ASIP: variants seen among roughly 807,000 people sequenced by gnomAD.
ASIP encodes the protein agouti-signaling protein.
Under a neutral mutation model 10.3 loss-of-function variants are expected in ASIP, and 11 were observed. The ratio of observed to expected loss-of-function variants is 1.07; its 90% CI spans 0.68 to 1.78. ASIP has a LOEUF of 1.78. Ranked by LOEUF, ASIP falls within the 40% of genes most tolerant of loss-of-function variation. ASIP has a pLI of 0.00. For missense variants in ASIP, 180 were observed against 169.2 expected (o/e 1.06, Z -0.35); for synonymous variants, 70 against 70.8 (o/e 0.99, Z 0.06).
upstream of ASIP, among the ~76,000 whole-genome samples, chr20:34,194,375 CTAGAT>C (rs963589410): frequency 2.0e-5 from 3 of 152,046 alleles, no homozygotes; most frequent in African/African-American, 7.2e-5. Flanking sequence ...CACCTATTTA[CTAGAT>C]TAAATAAACA....
At chr20:34,197,050 G>A (rs1369116074) in intron 1 of ASIP, among the ~76,000 whole-genome samples, 2 of 150,770 alleles carry the variant, frequency 1.3e-5, no homozygotes, top group African/African-American at 2.4e-5. Flanking sequence ...ATGGAAGGAT[G>A]AGAAGTGTGA....
intron 1 of ASIP, among the ~76,000 whole-genome samples, chr20:34,253,152 G>T (rs768374579): frequency 7.3e-5 from 11 of 150,928 alleles, no homozygotes; most frequent in Non-Finnish European, 1.5e-4. Flanking sequence ...CTGTTGCCCA[G>T]GCTGGAGTGC....
At chr20:34,195,874 C>T (rs906163316) in intron 1 of ASIP, among the ~76,000 whole-genome samples, 8 of 151,978 alleles carry the variant, frequency 5.3e-5, no homozygotes, top group Admixed American at 2.6e-4. Context: ...TACTGTCCAG[C>T]GCAGTAACCC....
intron 1 of ASIP, among the ~76,000 whole-genome samples, chr20:34,250,751 C>T (rs1015262292): frequency 6.6e-6 from 1 of 152,092 alleles, no homozygotes; most frequent in Non-Finnish European, 1.5e-5. Flanking sequence ...GCCTCTTCTT[C>T]CATTCTCATC....
At chr20:34,218,350 C>T (rs1409518886) in intron 1 of ASIP, among the ~76,000 whole-genome samples, 1 of 152,174 alleles carries the variant, frequency 6.6e-6, no homozygotes, top group African/African-American at 2.4e-5. Context: ...TTCACTAAGG[C>T]TATTTGGTGT....
intron 3 of ASIP, among the ~76,000 whole-genome samples, chr20:34,268,213 C>G (rs114038104): frequency 1.3e-3 from 193 of 152,258 alleles, no homozygotes; most frequent in African/African-American, 4.5e-3. Context: ...ATCGAAGGTA[C>G]AAAAACCAGT....
chr20:34,213,622 T>C lies in ASIP; in HGVS notation c.-11+18862T>C, dbSNP rs554560112. The C allele has an allele frequency of 5.1e-6, 8 of 1,566,168 alleles. No individual in the cohort carries two copies. In the South Asian group the frequency reaches 8.9e-5, roughly 17 times the overall value. On this transcript the variant is annotated intron_variant, in intron 1 of 3. Coordinates refer to the ASIP transcript ENST00000568305. ...TTGTACCTTGAATTTGGCCGTAATC[T>C]GGTTGATAAGAGGAATGAACTCCTG...
chr20:34,216,755 A>C (rs2035011697), intron 1 of ASIP, among the ~76,000 whole-genome samples: 1 of 152,090 alleles, frequency 6.6e-6, no homozygotes, highest in African/African-American at 2.4e-5. Flanking sequence ...CTATTTTTGG[A>C]CTTGATCCTG....
intron 1 of ASIP, among the ~76,000 whole-genome samples, chr20:34,236,122 TGGAAA>T (rs1019201028): frequency 1.2e-5 from 1 of 83,466 alleles, no homozygotes; most frequent in African/African-American, 4.6e-5. Flanking sequence ...AGGAAAGGAG[TGGAAA>T]GGAAAGGAGA....
chr20:34,260,434 CA>C lies in ASIP; in HGVS notation c.62del (p.Asn21ThrfsTer16). The C allele has an allele frequency of 6.2e-7, 1 of 1,614,172 alleles. No homozygotes were observed. The highest frequency in any genetic ancestry group is 8.5e-7 in the Non-Finnish European group (1 of 1,179,998). ...LLVFLCFFTA[N>X]SHLPPEEKLR... ...TGGTCTTCCTCTGCTTCTTCACTGC[CA>C]ACAGCCACCTGCCACCTGAGGAGAA... is the stretch of plus-strand genomic sequence containing the variant. On this transcript the variant is annotated frameshift_variant, in exon 2 of 4. Transcript: ENST00000374954. LOFTEE classifies it high-confidence loss of function.
intron 1 of ASIP, among the ~76,000 whole-genome samples, chr20:34,206,130 C>T (rs928147154): frequency 6.6e-6 from 1 of 152,012 alleles, no homozygotes; most frequent in African/African-American, 2.4e-5. Context: ...GTAGCTGGGA[C>T]TACAGGTGCC....
chr20:34,202,943 G>C (rs904342597), intron 1 of ASIP, among the ~76,000 whole-genome samples: 1 of 151,106 alleles, frequency 6.6e-6, no homozygotes, highest in Non-Finnish European at 1.5e-5. Flanking sequence ...CGAGTAGCTG[G>C]GACCACAGGC....
intron 1 of ASIP, among the ~76,000 whole-genome samples, chr20:34,222,446 G>T (rs933087991): frequency 6.6e-6 from 1 of 152,086 alleles, no homozygotes; most frequent in African/African-American, 2.4e-5. Flanking sequence ...TTCGAGGGCC[G>T]TATTGAGCAA....
At chr20:34,203,914 G>A (rs1018868060) in intron 1 of ASIP, among the ~76,000 whole-genome samples, 7 of 151,402 alleles carry the variant, frequency 4.6e-5, no homozygotes, top group African/African-American at 1.7e-4. Context: ...GTAGAGATGG[G>A]GTTGTTTCAC....
Position 34,236,080 on chromosome 20 carries a change from G to C in ASIP, c.-10-24285G>C, listed in dbSNP as rs537654485. On this transcript the variant is annotated intron_variant, in intron 1 of 3. Coordinates refer to the ASIP transcript ENST00000568305. ...AAGGAGAGAGAGAAAGAAAGAGAAA[G>C]AGAAGGAAGGAAGGAAGGAGAAAGA... Among the ~76,000 whole-genome samples, 24 of 132,756 alleles carry C rather than the reference G, an allele frequency of 1.8e-4. No homozygotes were observed. In the East Asian group the frequency reaches 3.6e-3, roughly 20 times the overall value. The allele number at this position is 132,756 out of a possible 152,430, so 87.1% of individuals were successfully genotyped here.
At chr20:34,199,923 C>A (rs953956012) in intron 1 of ASIP, among the ~76,000 whole-genome samples, 7 of 152,070 alleles carry the variant, frequency 4.6e-5, no homozygotes, top group African/African-American at 1.4e-4. Flanking sequence ...TTTTTTGTCA[C>A]CCCCGTAAAG....
chr20:34,208,560 C>T (rs925127649), intron 1 of ASIP, among the ~76,000 whole-genome samples: 2 of 152,042 alleles, frequency 1.3e-5, no homozygotes, highest in Non-Finnish European at 2.9e-5. Flanking sequence ...TTACTGTGTG[C>T]CTCGGTTGAC....
chr20:34,266,596 C>T (rs1696593708), intron 3 of ASIP, among the ~76,000 whole-genome samples: 1 of 150,988 alleles, frequency 6.6e-6, no homozygotes, highest in African/African-American at 2.4e-5. Flanking sequence ...TCACTGGAAC[C>T]CGGGAGATGA....
rs1461876302 is a variant in ASIP, at chr20:34,245,634, C to T, written c.-11+4145C>T. The stretch of plus-strand genomic sequence containing the variant: ...TCGAACTCCTGACCTCATGATCCAC[C>T]CGCCTTGGCCTCCCAAAGTGCTGGG... On this transcript the variant is annotated intron_variant, in intron 1 of 3. Transcript: ENST00000374954. 2.6e-5 allele frequency among the ~76,000 whole-genome samples: 4 copies of T among 151,956 alleles called. No homozygotes were observed. The East Asian group carries it at 7.8e-4, about 30-fold the overall frequency.
Sources: allele counts gnomAD v4.1 joint callset (sites outside exome capture counted in the v4.1 genomes callset), GRCh38; gene constraint gnomAD v4.1.1; transcripts MANE v1.5; gene names NCBI Gene and HGNC (gene_info 2026-07-23, HGNC 2026-07-21).